The following KAT6A variants were observed in gnomAD, a reference collection of about 807,000 sequenced individuals.
The protein encoded by KAT6A is lysine acetyltransferase 6A, also known as histone acetyltransferase KAT6A.
In KAT6A, 9 loss-of-function variants were observed where a neutral mutation model predicts 198.4. The observed-to-expected ratio is 0.05, with a 90% CI of 0.03 to 0.08. The LOEUF (loss-of-function observed/expected upper bound fraction) is 0.08. Among genes scored for constraint, KAT6A ranks in the 10% least tolerant of loss-of-function variants. The pLI is 1.00. For synonymous variants in KAT6A, 890 were observed against 883.0 expected (o/e 1.01, Z -0.14); for missense variants, 2,077 against 2,509.9 (o/e 0.83, Z 3.69).
intron 16 of KAT6A, among the ~76,000 whole-genome samples, chr8:41,935,714 TA>T (rs772107778): frequency 1.3e-4 from 20 of 152,254 alleles, no homozygotes; most frequent in Middle Eastern, 3.4e-3. Context: ...GGGGCACGGC[TA>T]AAAAGGCACA....
At chr8:41,945,595 T>C (rs1427411162) in intron 12 of KAT6A, among the ~76,000 whole-genome samples, 3 of 152,094 alleles carry the variant, frequency 2.0e-5, no homozygotes, top group East Asian at 1.9e-4. Context: ...TTAGCTCTAA[T>C]TGAAGTAGTT....
In KAT6A at chr8:41,941,440, C is replaced by T. The variant is rs1280678743; in HGVS notation, c.2441G>A (p.Gly814Glu). 1 of 1,580,432 alleles carries T rather than the reference C, an allele frequency of 6.3e-7. No homozygotes were observed. The highest frequency in any genetic ancestry group is 8.6e-7 in the Non-Finnish European group (1 of 1,169,348). The change falls in exon 15 of 17, where the codon GGA becomes GAA. Residue 814 changes from glycine (G) to glutamate (E), a missense_variant. By Grantham distance (98) the Gly-to-Glu change is moderately conservative (BLOSUM62 -2). This residue lies in a region of KAT6A where 301 missense variants were observed against 272.2 expected (regional missense o/e 1.11). Coordinates refer to ENST00000265713, the MANE Select transcript of KAT6A (RefSeq NM_006766.5). The stretch of plus-strand genomic sequence containing the variant: ...TTTGTTCTCATGAGACACAGACTTT[C>T]CCACCTGATTTTAGAAAATAAAACA... ...CQERELEISV[G>E]KSVSHENKEQ... is the part of the protein sequence containing the mutation.
chr8:41,935,709 A>G (rs1821815552), intron 16 of KAT6A, among the ~76,000 whole-genome samples: 2 of 152,222 alleles, frequency 1.3e-5, no homozygotes, highest in Admixed American at 1.3e-4. Context: ...CAGTGGGGGC[A>G]CGGCTAAAAA....
intron 2 of KAT6A, among the ~76,000 whole-genome samples, chr8:42,020,328 G>T (rs1467129508): frequency 6.6e-6 from 1 of 152,132 alleles, no homozygotes; most frequent in Non-Finnish European, 1.5e-5. Flanking sequence ...ATTCTAGACT[G>T]ATATCCAATG....
rs376665850 is a variant in KAT6A, at chr8:42,029,786, T to C, written c.600+18592A>G. On this transcript the variant is annotated intron_variant, in intron 2 of 16. Transcript: ENST00000265713. ...TCAATTATAGCTTTTATTTCATTAG[T>C]TGAATTCTTCAGTTCTACAATTTCT... Among the ~76,000 whole-genome samples, 6 of 152,198 alleles carry C rather than the reference T, an allele frequency of 3.9e-5. No individual in the cohort carries two copies. The East Asian group carries it at 5.8e-4, about 15-fold the overall frequency.
At chr8:41,995,305 A>C (rs551800467) in intron 2 of KAT6A, among the ~76,000 whole-genome samples, 1 of 152,286 alleles carries the variant, frequency 6.6e-6, no homozygotes, top group East Asian at 1.9e-4. Flanking sequence ...GGCCATAACT[A>C]AGTAAGATTT....
chr8:41,982,602 C>T (rs1162747986), intron 3 of KAT6A, among the ~76,000 whole-genome samples: 3 of 152,166 alleles, frequency 2.0e-5, no homozygotes, highest in Admixed American at 6.5e-5. Flanking sequence ...TCTGCTGTCC[C>T]AGCTGGGCTG....
intron 12 of KAT6A, among the ~76,000 whole-genome samples, chr8:41,945,046 A>G (rs1044165096): frequency 6.6e-5 from 10 of 152,244 alleles, no homozygotes; most frequent in African/African-American, 2.4e-4. Context: ...ATTGTATAGC[A>G]ATATCTGAGG....
At chr8:41,984,912 G>A (rs1439173815) in intron 3 of KAT6A, among the ~76,000 whole-genome samples, 5 of 151,642 alleles carry the variant, frequency 3.3e-5, no homozygotes, top group African/African-American at 9.7e-5. Context: ...GAACCCGGGA[G>A]GCAGAGCTTG....
intron 13 of KAT6A, among the ~76,000 whole-genome samples, chr8:41,943,423 T>C (rs932436722): frequency 2.0e-5 from 3 of 152,224 alleles, no homozygotes; most frequent in Admixed American, 1.3e-4. Flanking sequence ...ATGGGCATTT[T>C]ATTTAATGAC....
At chr8:41,970,833 A>C (rs1213905384) in intron 8 of KAT6A, among the ~76,000 whole-genome samples, 11 of 152,214 alleles carry the variant, frequency 7.2e-5, no homozygotes, top group Admixed American at 7.2e-4. Context: ...AAATGTCCAG[A>C]AATGATAGAC....
chr8:41,933,230 G>A lies in KAT6A; in HGVS notation c.4990C>T (p.Pro1664Ser). Residue 1664 changes from proline to serine, a missense_variant, in exon 17 of 17, where the codon CCA becomes TCA. Coordinates refer to ENST00000265713, the MANE Select transcript of KAT6A (RefSeq NM_006766.5). The surrounding 1 kb of genome is among the most constrained non-coding windows in gnomAD (Gnocchi z 6.2). The part of the protein sequence containing the change: ...PPPQQPQPPP[P>S]QPQPAPQPPP... ...GGCTGTGGTGCTGGTTGTGGTTGTG[G>A]CGGCGGCGGCTGTGGCTGCTGTGGA... 6.5e-7 allele frequency: 1 copy of A among 1,546,300 alleles called. No homozygotes were observed. Among genetic ancestry groups the A allele is most frequent in the Non-Finnish European group, 8.7e-7 (1 of 1,149,812 alleles).
Position 41,933,582 on chromosome 8 carries a change from C to T in KAT6A, c.4638G>A (p.Val1546=), listed in dbSNP as rs570862940. 58 of 1,614,026 alleles carry T rather than the reference C, an allele frequency of 3.6e-5. No homozygotes were observed. In the Middle Eastern group the frequency reaches 4.9e-4, roughly 14 times the overall value. ...PSVSDHSQQV[V]DSGFSDLGSI... ...TGCCCAGGTCACTGAAGCCGCTGTC[C>T]ACCACCTGCTGAGAGTGGTCTGATA... Residue 1546 remains valine, a synonymous_variant, in exon 17 of 17, where the codon GTG becomes GTA. Coordinates refer to ENST00000265713, the MANE Select transcript of KAT6A (RefSeq NM_006766.5). This position sits in a 1 kb window ranked among gnomAD's most constrained non-coding sequence, Gnocchi z 6.2.
chr8:41,995,800 C>A (rs892432450), intron 2 of KAT6A, among the ~76,000 whole-genome samples: 1 of 151,354 alleles, frequency 6.6e-6, no homozygotes. Flanking sequence ...CTCAGCCTCT[C>A]GAGTAGCTGG....
chr8:41,949,603 T>C (rs1822569959), intron 9 of KAT6A, among the ~76,000 whole-genome samples: 1 of 152,232 alleles, frequency 6.6e-6, no homozygotes, highest in Admixed American at 6.5e-5. Flanking sequence ...TCAATTTGGA[T>C]AGTTATGCTT....
intron 8 of KAT6A, among the ~76,000 whole-genome samples, chr8:41,966,474 C>T (rs189741812): frequency 1.3e-5 from 2 of 152,110 alleles, no homozygotes; most frequent in East Asian, 3.9e-4. Flanking sequence ...GATCTTGGAG[C>T]GTATCACTGG....
At position 41,930,141 on chromosome 8, in the gene KAT6A, CAA is replaced by C. The variant is rs138464098; in HGVS notation, c.*2062_*2063del. The stretch of plus-strand genomic sequence containing the variant: ...ATTGAATTTTTTATAAAGAAACAAA[CAA>C]AACCAAACACAACCGCAAACCAACA... On this transcript the variant is annotated 3_prime_UTR_variant, in exon 17 of 17. Transcript: ENST00000265713. 1.3e-3 allele frequency: 311 copies of C among 231,950 alleles called. 3 individuals carry two copies. The highest frequency in any genetic ancestry group is 6.5e-3 in the African/African-American group (292 of 45,204). The allele number at this position is 231,950 out of a possible 1,614,324, so 14.4% of individuals were successfully genotyped here.
At chr8:41,947,993 T>G in intron 10 of KAT6A, 81 bp from the exon 11 acceptor site, 20 of 1,162,432 alleles carry the variant, frequency 1.7e-5, no homozygotes, top group Non-Finnish European at 2.4e-5. Context: ...AAAGCATCTC[T>G]AGATATCCAC....
chr8:41,981,731 C>T, intron 4 of KAT6A, 108 bp downstream of exon 4: 2 of 703,458 alleles, frequency 2.8e-6, no homozygotes, highest in Non-Finnish European at 5.2e-6. Flanking sequence ...ATTCTAAATG[C>T]TACTGGACCA....
Sources: allele counts gnomAD v4.1 joint callset (sites outside exome capture counted in the v4.1 genomes callset), GRCh38; gene constraint gnomAD v4.1.1; regional missense constraint gnomAD v4.1.1; non-coding constraint Gnocchi (gnomAD v3.1); transcripts MANE v1.5; gene names NCBI Gene and HGNC (gene_info 2026-07-23, HGNC 2026-07-21).